The following SLC25A26 variants were observed in gnomAD, a reference collection of about 807,000 sequenced individuals.
SLC25A26 encodes the protein mitochondrial S-adenosylmethionine carrier protein.
A neutral mutation model predicts 37.8 loss-of-function variants in SLC25A26; 36 were observed. The ratio of observed to expected loss-of-function variants is 0.95; its 90% CI spans 0.73 to 1.26. The LOEUF is 1.26. Ranked by LOEUF, SLC25A26 falls within the 50% of genes most tolerant of loss-of-function variation. The pLI, the probability that SLC25A26 is intolerant of heterozygous loss-of-function variation, is 0.00. For missense variants in SLC25A26, 390 were observed against 331.1 expected, an observed-to-expected ratio of 1.18 and a Z score of -1.38; for synonymous variants, 129 against 122.5, an observed-to-expected ratio of 1.05 and a Z score of -0.35.
chr3:66,162,467 C>G (rs144000090), intron 1 of SLC25A26, among the ~76,000 whole-genome samples: 84 of 151,792 alleles, frequency 5.5e-4, no homozygotes, highest in African/African-American at 1.9e-3. Flanking sequence ...CCAAAGCACC[C>G]ATGTATCAAG....
At chr3:66,195,118 C>T (rs2071023100) in intron 1 of SLC25A26, among the ~76,000 whole-genome samples, 4 of 152,182 alleles carry the variant, frequency 2.6e-5, no homozygotes, top group Non-Finnish European at 5.9e-5. Context: ...CATAAGTCAC[C>T]TTCCCACTGC....
chr3:66,134,900 G>A (rs568567137), intron 1 of SLC25A26, among the ~76,000 whole-genome samples: 1 of 151,606 alleles, frequency 6.6e-6, no homozygotes, highest in South Asian at 2.1e-4. Context: ...GCGTGATCTC[G>A]ACTCACTGCA....
At chr3:66,242,322 A>C (rs782697294) in intron 2 of SLC25A26, among the ~76,000 whole-genome samples, 3 of 152,254 alleles carry the variant, frequency 2.0e-5, no homozygotes, top group Non-Finnish European at 4.4e-5. Flanking sequence ...AAATGGGAAT[A>C]GACTTGTGTT....
intron 7 of SLC25A26, among the ~76,000 whole-genome samples, chr3:66,366,067 G>T (rs912412987): frequency 1.3e-5 from 2 of 152,202 alleles, no homozygotes; most frequent in Admixed American, 6.5e-5. Context: ...GGAAATAGGA[G>T]ATAATAGTTT....
intron 4 of SLC25A26, 25 bp downstream of exon 4, chr3:66,262,180 C>CAGAA: frequency 8.1e-7 from 1 of 1,229,432 alleles, no homozygotes; most frequent in Non-Finnish European, 1.1e-6. Context: ...TTAAGCTCTT[C>CAGAA]TTTTCTTTAT....
intron 9 of SLC25A26, among the ~76,000 whole-genome samples, chr3:66,372,305 TGCA>T (rs1260075768): frequency 3.3e-5 from 5 of 152,202 alleles, no homozygotes; most frequent in Non-Finnish European, 7.3e-5. Flanking sequence ...TGTGCAGAGC[TGCA>T]GCCCCTCAGC....
chr3:66,323,116 C>T (rs1375531830), intron 5 of SLC25A26, among the ~76,000 whole-genome samples: 1 of 152,126 alleles, frequency 6.6e-6, no homozygotes, highest in East Asian at 1.9e-4. Context: ...ATGCCTCTTT[C>T]CTCTCTGAGG....
chr3:66,244,033 C>G, intron 3 of SLC25A26, among the ~76,000 whole-genome samples: 1 of 152,098 alleles, frequency 6.6e-6, no homozygotes, highest in Non-Finnish European at 1.5e-5. Context: ...CTGTTGCCTG[C>G]CCTTTGATTT....
At chr3:66,304,835 C>T (rs2075171994) in intron 5 of SLC25A26, among the ~76,000 whole-genome samples, 1 of 152,064 alleles carries the variant, frequency 6.6e-6, no homozygotes, top group African/African-American at 2.4e-5. Flanking sequence ...AAAATTGATA[C>T]ATTAGTATTA....
At chr3:66,145,594 T>C (rs1417526080) in intron 1 of SLC25A26, among the ~76,000 whole-genome samples, 1 of 152,226 alleles carries the variant, frequency 6.6e-6, no homozygotes, top group African/African-American at 2.4e-5. Flanking sequence ...TTTGTTTTTT[T>C]TTAAATACTA....
intron 9 of SLC25A26, chr3:66,371,493 G>T (rs547179403): frequency 2.2e-6 from 3 of 1,368,728 alleles, no homozygotes; most frequent in Non-Finnish European, 2.8e-6. Flanking sequence ...AGTTTGAAAA[G>T]TAGGTGATAT....
chr3:66,294,286 G>A (rs1313114216), intron 5 of SLC25A26, among the ~76,000 whole-genome samples: 4 of 152,098 alleles, frequency 2.6e-5, no homozygotes, highest in South Asian at 2.1e-4. Flanking sequence ...TTTTGTGGCA[G>A]TTGTGAATGG....
chr3:66,326,412 C>G (rs527784598), intron 5 of SLC25A26, among the ~76,000 whole-genome samples: 9 of 152,334 alleles, frequency 5.9e-5, no homozygotes, highest in Admixed American at 5.9e-4. Flanking sequence ...GTTGCCTGCC[C>G]TGGTAGAGTC....
intron 3 of SLC25A26, among the ~76,000 whole-genome samples, chr3:66,248,221 A>T (rs1203770961): frequency 1.3e-5 from 2 of 152,252 alleles, no homozygotes; most frequent in African/African-American, 4.8e-5. Context: ...CAGTGAAACT[A>T]TAATTACAAC....
At chr3:66,354,456 T>C (rs1264943720) in intron 6 of SLC25A26, among the ~76,000 whole-genome samples, 1 of 152,222 alleles carries the variant, frequency 6.6e-6, no homozygotes, top group Non-Finnish European at 1.5e-5. Context: ...AATAGTTCAA[T>C]GTATATAATA....
intron 1 of SLC25A26, among the ~76,000 whole-genome samples, chr3:66,163,207 C>G (rs1246136062): frequency 6.6e-6 from 1 of 152,188 alleles, no homozygotes; most frequent in Non-Finnish European, 1.5e-5. Flanking sequence ...AATGAGAAAA[C>G]CCCAGTGACT....
chr3:66,199,091 C>T (rs2071080023), intron 1 of SLC25A26, among the ~76,000 whole-genome samples: 1 of 151,890 alleles, frequency 6.6e-6, no homozygotes, highest in Non-Finnish European at 1.5e-5. Context: ...TCAAATCTGA[C>T]TCAAACCTGA....
intron 5 of SLC25A26, among the ~76,000 whole-genome samples, chr3:66,285,659 C>T (rs913322812): frequency 6.6e-6 from 1 of 151,276 alleles, no homozygotes; most frequent in African/African-American, 2.4e-5. Context: ...GGGGTTTTAC[C>T]CTGTTAGCAA....
intron 3 of SLC25A26, among the ~76,000 whole-genome samples, chr3:66,254,711 C>G (rs781786707): frequency 2.0e-5 from 3 of 152,238 alleles, no homozygotes; most frequent in Non-Finnish European, 4.4e-5. Flanking sequence ...CTAAGTAGCT[C>G]TCTGACCTTC....
Sources: gnomAD v4.1 joint callset for allele counts (sites outside exome capture counted in the v4.1 genomes callset) on GRCh38, gnomAD v4.1.1 for gene constraint, MANE v1.5 for transcripts, NCBI Gene and HGNC (gene_info 2026-07-23, HGNC 2026-07-21) for gene names.